SH3RF2: variants seen among roughly 807,000 people sequenced by gnomAD.
The protein encoded by SH3RF2 is SH3 domain containing ring finger 2.
SH3RF2 carries 43 observed loss-of-function variants against 59.0 expected under a neutral mutation model. The observed-to-expected ratio is 0.73, with a 90% confidence interval of 0.57 to 0.94. SH3RF2 has a LOEUF of 0.94. Ranked by LOEUF, SH3RF2 falls within the 40% of genes least tolerant of loss-of-function variation. The pLI is 0.00. For synonymous variants in SH3RF2, 391 were observed against 391.5 expected, an observed-to-expected ratio of 1.00 and a Z score of 0.01; for missense variants, 930 against 940.1, an observed-to-expected ratio of 0.99 and a Z score of 0.14.
intron 8 of SH3RF2, among the ~76,000 whole-genome samples, chr5:146,056,616 G>A (rs1239484377): frequency 6.6e-6 from 1 of 152,162 alleles, no homozygotes; most frequent in African/African-American, 2.4e-5. Context: ...GCAGGGCGTG[G>A]GAGTAGGAAA....
At chr5:145,962,308 C>G (rs188440699) in intron 2 of SH3RF2, among the ~76,000 whole-genome samples, 1 of 152,124 alleles carries the variant, frequency 6.6e-6, no homozygotes, top group African/African-American at 2.4e-5. Flanking sequence ...AGATCCTGTG[C>G]GACAAATATC....
intron 5 of SH3RF2, among the ~76,000 whole-genome samples, chr5:146,034,435 G>A (rs1163494844): frequency 6.6e-6 from 1 of 152,160 alleles, no homozygotes; most frequent in Non-Finnish European, 1.5e-5. Context: ...AGACCATGAA[G>A]GACAACTTCT....
At position 145,937,969 on chromosome 5, in the gene SH3RF2, T is replaced by G. The variant is rs762825392; in HGVS notation, c.41T>G (p.Val14Gly). The G allele has an allele frequency of 1.2e-6, 2 of 1,614,080 alleles. No individual in the cohort carries two copies. The highest frequency in any genetic ancestry group is 1.7e-6 in the Non-Finnish European group (2 of 1,180,036). Residue 14 changes from valine to glycine, a missense_variant, in exon 2 of 10, where the codon GTG (valine) becomes GGG (glycine). Transcript: ENST00000359120. ...TTACTTGATCTTCTGGAGTGCCCTG[T>G]GTGCTTTGAGAAGCTCGATGTCACA... ...LTLLDLLECP[V>G]CFEKLDVTAK...
downstream of SH3RF2, among the ~76,000 whole-genome samples, chr5:146,066,281 C>T (rs2962528): frequency 0.62 from 94,345 of 152,058 alleles, 29,487 homozygotes; most frequent in South Asian, 0.79. Flanking sequence ...CGCTCGGCTG[C>T]GCACAAATAC....
At chr5:146,005,563 G>A (rs1760608720) in intron 4 of SH3RF2, among the ~76,000 whole-genome samples, 1 of 152,170 alleles carries the variant, frequency 6.6e-6, no homozygotes, top group African/African-American at 2.4e-5. Flanking sequence ...GTTGAAGGAA[G>A]GGATGGAGGA....
At chr5:145,995,828 C>T (rs1236375699) in intron 2 of SH3RF2, among the ~76,000 whole-genome samples, 1 of 152,062 alleles carries the variant, frequency 6.6e-6, no homozygotes, top group Non-Finnish European at 1.5e-5. Context: ...TATTCTTAAC[C>T]TCTTCTGTTA....
intron 4 of SH3RF2, among the ~76,000 whole-genome samples, chr5:146,006,592 G>A (rs1424059906): frequency 6.6e-6 from 1 of 152,174 alleles, no homozygotes; most frequent in Admixed American, 6.5e-5. Context: ...GAAATGTGGT[G>A]TAGCCAGGGG....
chr5:145,945,310 T>C (rs1757969390), intron 2 of SH3RF2, among the ~76,000 whole-genome samples: 1 of 152,202 alleles, frequency 6.6e-6, no homozygotes, highest in South Asian at 2.1e-4. Context: ...ACTATAGTGA[T>C]TTTTTGCATA....
chr5:145,956,954 G>A (rs1561708950), intron 2 of SH3RF2, among the ~76,000 whole-genome samples: 1 of 152,214 alleles, frequency 6.6e-6, no homozygotes, highest in East Asian at 1.9e-4. Flanking sequence ...ATAAACTGTA[G>A]CAACTCATGT....
At chr5:146,057,109 C>T (rs1241819600) in intron 8 of SH3RF2, among the ~76,000 whole-genome samples, 3 of 152,220 alleles carry the variant, frequency 2.0e-5, no homozygotes, top group African/African-American at 7.2e-5. Context: ...TGCGATCTCT[C>T]TTGTGATCTT....
chr5:145,970,213 C>G (rs1420953765), intron 2 of SH3RF2, among the ~76,000 whole-genome samples: 3 of 151,530 alleles, frequency 2.0e-5, no homozygotes, highest in African/African-American at 7.3e-5. Flanking sequence ...TTTTGGTGCA[C>G]CCATCACCCA....
At chr5:146,077,194 C>T (rs1763355518) in intron 9 of SH3RF2, among the ~76,000 whole-genome samples, 1 of 152,174 alleles carries the variant, frequency 6.6e-6, no homozygotes, top group African/African-American at 2.4e-5. Flanking sequence ...CTGCCCTCCC[C>T]TCACAAGGGG....
intron 7 of SH3RF2, among the ~76,000 whole-genome samples, chr5:146,051,787 C>T (rs1250487102): frequency 1.3e-5 from 2 of 152,096 alleles, no homozygotes; most frequent in African/African-American, 4.8e-5. Context: ...GAGAGAGCTC[C>T]AGCCTTGAGA....
chr5:146,055,098 A>C (rs1412508853), intron 7 of SH3RF2, among the ~76,000 whole-genome samples: 2 of 152,256 alleles, frequency 1.3e-5, no homozygotes, highest in Admixed American at 1.3e-4. Context: ...CTTGAAAATC[A>C]TAGCCCAAGG....
In SH3RF2 at chr5:145,991,635, T is replaced by A. The variant is rs1226685783; in HGVS notation, c.379-8423T>A. Among the ~76,000 whole-genome samples, 5 of 152,264 alleles carry A rather than the reference T, an allele frequency of 3.3e-5. No homozygotes were observed. In the East Asian group the frequency reaches 9.6e-4, roughly 29 times the overall value. ...ATCTATATATAATTCATTTGCACAATATTTATTTATGTTGAGGGGAGATGG... is the reference window on the plus strand; with the variant it reads ...ATCTATATATAATTCATTTGCACAAAATTTATTTATGTTGAGGGGAGATGG... On this transcript the variant is annotated intron_variant, in intron 2 of 9. Transcript: ENST00000359120.
chr5:146,026,511 A>G (rs1761536203), intron 5 of SH3RF2, among the ~76,000 whole-genome samples: 1 of 152,224 alleles, frequency 6.6e-6, no homozygotes, highest in Non-Finnish European at 1.5e-5. Context: ...GATAGGTAAC[A>G]CAGGGAAAGA....
chr5:145,999,935 G>C, intron 2 of SH3RF2, 123 bp from the exon 3 acceptor site: 1 of 1,181,046 alleles, frequency 8.5e-7, no homozygotes, highest in Non-Finnish European at 1.2e-6. Flanking sequence ...CCTTTGATTT[G>C]TAAAAAACTC....
At chr5:145,995,017 G>T (rs368220873) in intron 2 of SH3RF2, among the ~76,000 whole-genome samples, 1 of 133,854 alleles carries the variant, frequency 7.5e-6, no homozygotes. Context: ...TAAAAAAAAA[G>T]CCTCACAGTT....
chr5:146,008,375 G>A (rs543211200), intron 4 of SH3RF2, among the ~76,000 whole-genome samples: 1 of 152,272 alleles, frequency 6.6e-6, no homozygotes, highest in East Asian at 1.9e-4. Context: ...ACAATTAGGT[G>A]GAAGCAGAAA....
Sources: allele counts gnomAD v4.1 joint callset (sites outside exome capture counted in the v4.1 genomes callset), GRCh38; gene constraint gnomAD v4.1.1; transcripts MANE v1.5; gene names NCBI Gene and HGNC (gene_info 2026-07-23, HGNC 2026-07-21).